The following MYL6 variants were observed in gnomAD, a reference collection of about 807,000 sequenced individuals.
The protein encoded by MYL6 is myosin light polypeptide 6.
A neutral mutation model predicts 20.3 loss-of-function variants in MYL6; 20 were observed. The observed-to-expected ratio is 0.98, with a 90% CI of 0.69 to 1.43. The LOEUF is 1.43. Ranked by LOEUF, MYL6 falls within the 40% of genes most tolerant of loss-of-function variation. The pLI is 0.00. For missense variants in MYL6, 164 were observed against 191.0 expected (o/e 0.86, Z 0.83); for synonymous variants, 77 against 72.4 (o/e 1.06, Z -0.32).
intron 6 of MYL6, 97 bp downstream of exon 6, chr12:56,160,767 T>TGC: frequency 7.5e-7 from 1 of 1,325,798 alleles, no homozygotes; most frequent in Non-Finnish European, 1.1e-6. Context: ...CCTACTACCA[T>TGC]CTGACTTCCT....
Position 56,158,412 on chromosome 12 carries a change from C to G in MYL6, c.3+8C>G. 6.5e-7 allele frequency: 1 copy of G among 1,529,590 alleles called. No homozygotes were observed. Among genetic ancestry groups the G allele is most frequent in the Non-Finnish European group, 8.8e-7 (1 of 1,141,484 alleles). 94.8% of individuals were successfully genotyped at this position (1,529,590 alleles called of 1,614,324 possible). On this transcript the variant is annotated splice_region_variant and intron_variant, in intron 1 of 6. Coordinates refer to ENST00000550697, the MANE Select transcript of MYL6 (RefSeq NM_021019.5). ...AGCTGAGCAGTCAAGATGGTGGGGCCCAGGTCTTGGGAGACGGGCAGGATT... is the reference window on the plus strand; with the variant it reads ...AGCTGAGCAGTCAAGATGGTGGGGCGCAGGTCTTGGGAGACGGGCAGGATT...
At chr12:56,158,844 T>C in intron 2 of MYL6, 133 bp downstream of exon 2, 2 of 1,512,152 alleles carry the variant, frequency 1.3e-6, no homozygotes, top group Non-Finnish European at 1.8e-6. Context: ...TATTTTCTCT[T>C]CTTCTGGATC....
rs1565884290 is a variant in MYL6, at chr12:56,160,643, CTGTCGGGG to C, written c.448_455del (p.Ser150ThrfsTer30). The C allele has an allele frequency of 1.9e-6, 3 of 1,614,104 alleles. No individual in the cohort carries two copies. In the African/African-American group the frequency reaches 4.0e-5, roughly 22 times the overall value. ...TCCTGCAGCGTTTGTGAGGCATATC[CTGTCGGGG>C]TGACGGGCCCATGGGGCGGGTACGG... On this transcript the variant is annotated frameshift_variant, in exon 6 of 7. Coordinates refer to ENST00000550697, the MANE Select transcript of MYL6 (RefSeq NM_021019.5). LOFTEE classifies it high-confidence loss of function.
At chr12:56,158,936 T>C in intron 2 of MYL6, 1 of 1,409,094 alleles carries the variant, frequency 7.1e-7, no homozygotes, top group Non-Finnish European at 9.2e-7. Flanking sequence ...TTTTAGGTGG[T>C]GTGGGTATGT....
chr12:56,159,525 GCT>G, intron 2 of MYL6, 60 bp from the exon 3 acceptor site: 1 of 1,582,212 alleles, frequency 6.3e-7, no homozygotes, highest in South Asian at 1.1e-5. Context: ...GGGCAGCAGA[GCT>G]CTGAGGTAGG....
rs779399783 is a variant in MYL6, at chr12:56,161,395, C to T, written c.*25C>T. On this transcript the variant is annotated 3_prime_UTR_variant, in exon 7 of 7. Coordinates refer to ENST00000550697, the MANE Select transcript of MYL6 (RefSeq NM_021019.5). ...ACCTTTCCTTTCCACAGAGCTCGTCCGCATGGTGCTGAATGGCTGAGGACC... is the reference window on the plus strand; with the variant it reads ...ACCTTTCCTTTCCACAGAGCTCGTCTGCATGGTGCTGAATGGCTGAGGACC... 64 of 1,614,042 alleles carry T rather than the reference C, an allele frequency of 4.0e-5. No individual in the cohort carries two copies. The highest frequency in any genetic ancestry group is 3.3e-5 in the Admixed American group (2 of 60,010).
intron 2 of MYL6, 48 bp from the exon 3 acceptor site, chr12:56,159,539 T>C (rs1274106535): frequency 1.3e-6 from 2 of 1,598,724 alleles, no homozygotes; most frequent in Non-Finnish European, 1.7e-6. Flanking sequence ...TGAGGTAGGG[T>C]TTGGATTAAC....
rs1592259765 is a variant in MYL6 at position 56,158,904 on chromosome 12, C to T, written c.31+193C>T. 6.3e-5 allele frequency: 91 copies of T among 1,436,648 alleles called. No homozygotes were observed. The East Asian group carries it at 2.3e-3, about 36-fold the overall frequency. The allele number at this position is 1,436,648 out of a possible 1,614,324, so 89.0% of individuals were successfully genotyped here. A position where few individuals can be genotyped will look rare whatever the true frequency, so the allele number is the denominator to read the frequency against. ...TCCTCCCTCCCCTTCCACTCTAGAT[C>T]TGATCCCAAGCACTGGGTGAGTTTT... On this transcript the variant is annotated intron_variant, in intron 2 of 6. Coordinates refer to ENST00000550697, the MANE Select transcript of MYL6 (RefSeq NM_021019.5).
chr12:56,158,734 C>T (rs754578289), intron 2 of MYL6, 23 bp downstream of exon 2: 2 of 1,613,342 alleles, frequency 1.2e-6, no homozygotes, highest in East Asian at 2.2e-5. Context: ...TGATCCCTAC[C>T]GAGGTCACCC....
chr12:56,159,036 A>C, intron 2 of MYL6: 3 of 906,872 alleles, frequency 3.3e-6, no homozygotes, highest in Non-Finnish European at 1.5e-6. Flanking sequence ...TTAATCAGCT[A>C]CTTCTGCCTC....
rs58548156 is a variant in MYL6 at position 56,160,156 on chromosome 12, T to C, written c.349+8T>C. ...ATGTTCTTGTCACACTGGGTAAGGT[T>C]CTGTGTCCTTGTCCTTGAGCTGAGA... On this transcript the variant is annotated splice_region_variant and intron_variant, in intron 4 of 6. Transcript: ENST00000550697. 840 of 1,613,880 alleles carry C rather than the reference T, an allele frequency of 5.2e-4. 10 individuals are homozygous for C. The East Asian group carries it at 0.012, about 23-fold the overall frequency.
chr12:56,161,473 C>G lies in MYL6; in HGVS notation c.*103C>G. On this transcript the variant is annotated 3_prime_UTR_variant, in exon 7 of 7. Coordinates refer to ENST00000550697, the MANE Select transcript of MYL6 (RefSeq NM_021019.5). ...TTCCCTGTGTGAATTTTGTATCTAG[C>G]CTAAAGTTTCCCTAGGCTTTCTTGT... The G allele has an allele frequency of 6.3e-7, 1 of 1,588,114 alleles. No homozygotes were observed. Among genetic ancestry groups the G allele is most frequent in the Non-Finnish European group, 8.6e-7 (1 of 1,156,624 alleles).
At chr12:56,160,442 G>A (rs1871686854) in intron 5 of MYL6, 122 bp downstream of exon 5, 1 of 1,489,436 alleles carries the variant, frequency 6.7e-7, no homozygotes, top group Non-Finnish European at 9.3e-7. Flanking sequence ...CAAGGTGCAG[G>A]GCCCTGCCCA....
chr12:56,161,086 ACT>A (rs962277893), intron 6 of MYL6: 1 of 578,318 alleles, frequency 1.7e-6, no homozygotes, highest in African/African-American at 1.9e-5. Context: ...CTAACCCAAA[ACT>A]CTGTCCTCTC....
intron 3 of MYL6, 23 bp from the exon 4 acceptor site, chr12:56,159,950 GAC>G: frequency 6.2e-7 from 1 of 1,600,212 alleles, no homozygotes. Flanking sequence ...TCTCTGGCCT[GAC>G]ACTTCCACCT....
At chr12:56,158,468 G>A (rs758979464) in intron 1 of MYL6, 64 bp downstream of exon 1, 1 of 1,564,214 alleles carries the variant, frequency 6.4e-7, no homozygotes, top group Middle Eastern at 1.7e-4. Context: ...GACGGGTGGG[G>A]GGCGAGGAGA....
rs1871521668 is a variant in MYL6 at position 56,158,972 on chromosome 12, G to A, written c.31+261G>A. 5 of 1,381,474 alleles carry A rather than the reference G, an allele frequency of 3.6e-6. No individual in the cohort carries two copies. In the South Asian group the frequency reaches 6.7e-5, roughly 18 times the overall value. 85.6% of individuals were successfully genotyped at this position (1,381,474 alleles called of 1,614,324 possible). On this transcript the variant is annotated intron_variant, in intron 2 of 6. Coordinates refer to ENST00000550697, the MANE Select transcript of MYL6 (RefSeq NM_021019.5). ...GAAAAAACTTGGTCACTTAATGCCTGCTGTGTGTGGGGTCTCGGGAGGGTG... is the reference window on the plus strand; with the variant it reads ...GAAAAAACTTGGTCACTTAATGCCTACTGTGTGTGGGGTCTCGGGAGGGTG...
At position 56,161,061 on chromosome 12, in the gene MYL6, C is replaced by A. The variant is rs539250474; in HGVS notation, c.*17-326C>A. The A allele has an allele frequency of 1.2e-5, 7 of 568,910 alleles. No homozygotes were observed. In the South Asian group the frequency reaches 1.5e-4, roughly 12 times the overall value. The allele number at this position is 568,910 out of a possible 1,614,324, so 35.2% of individuals were successfully genotyped here. On this transcript the variant is annotated intron_variant, in intron 6 of 6. Coordinates refer to ENST00000550697, the MANE Select transcript of MYL6 (RefSeq NM_021019.5). ...AGTCCTTTCCCCTTCCCTCGCTGGG[C>A]AGCTTGGAGGTACCCTAACCCAAAA...
intron 6 of MYL6, chr12:56,160,931 C>G (rs1661858985): frequency 3.4e-6 from 2 of 586,324 alleles, no homozygotes; most frequent in Non-Finnish European, 6.1e-6. Flanking sequence ...CTCTCACCAG[C>G]CTGTATACCA....
Sources: allele counts gnomAD v4.1 joint callset, GRCh38; gene constraint gnomAD v4.1.1; transcripts MANE v1.5; gene names NCBI Gene and HGNC (gene_info 2026-07-23, HGNC 2026-07-21).